The following MAF variants were observed in gnomAD, a reference collection of about 807,000 sequenced individuals.
The protein encoded by MAF is transcription factor Maf.
MAF carries 10 observed loss-of-function variants against 22.0 expected under a neutral mutation model. That is an observed-to-expected ratio of 0.45 (90% CI 0.28 to 0.77). The LOEUF is 0.77. MAF is among the 30% of genes least tolerant of loss of function. The pLI, the probability that MAF is intolerant of heterozygous loss-of-function variation, is 0.12. For synonymous variants in MAF, 337 were observed against 255.8 expected (o/e 1.32, Z -3.03); for missense variants, 544 against 548.4 (o/e 0.99, Z 0.08).
chr16:79,418,863 C>G, the MAF span, among the ~76,000 whole-genome samples: 1 of 152,146 alleles, frequency 6.6e-6, no homozygotes, highest in African/African-American at 2.4e-5. Context: ...GGCCCCAACA[C>G]AGGGCCCCAC....
At chr16:79,577,252 A>T in the MAF span, among the ~76,000 whole-genome samples, 2 of 152,132 alleles carry the variant, frequency 1.3e-5, no homozygotes, top group African/African-American at 4.8e-5. Flanking sequence ...AACCCTACTG[A>T]GAAAAAGATG....
chr16:79,212,883 T>G, the MAF span: 1 of 150,752 alleles, frequency 6.6e-6, no homozygotes, highest in Admixed American at 6.6e-5. Flanking sequence ...CTCACGCGAT[T>G]AGCATGCCAG....
At chr16:79,527,550 C>G in the MAF span, among the ~76,000 whole-genome samples, 1 of 152,190 alleles carries the variant, frequency 6.6e-6, no homozygotes, top group African/African-American at 2.4e-5. Flanking sequence ...TGGGGGCCTT[C>G]CATTCCACCA....
the MAF span, among the ~76,000 whole-genome samples, chr16:79,317,264 C>T: frequency 1.3e-5 from 2 of 148,596 alleles, no homozygotes; most frequent in African/African-American, 2.5e-5. Context: ...TTCTTTCCTT[C>T]CTTCCCTCCC....
chr16:79,260,716 T>C, the MAF span, among the ~76,000 whole-genome samples: 1 of 152,190 alleles, frequency 6.6e-6, no homozygotes, highest in African/African-American at 2.4e-5. Context: ...TTAGGTGTTA[T>C]GTGAATAAAT....
chr16:79,246,540 T>TTGGG, the MAF span, among the ~76,000 whole-genome samples: 21 of 101,442 alleles, frequency 2.1e-4, no homozygotes, highest in African/African-American at 7.4e-4. Flanking sequence ...AGGTTTTTTT[T>TTGGG]GGGGGGGGTG....
At chr16:79,417,031 G>T in the MAF span, among the ~76,000 whole-genome samples, 3 of 152,202 alleles carry the variant, frequency 2.0e-5, no homozygotes, top group Non-Finnish European at 4.4e-5. Context: ...CACAATGCCA[G>T]AATTCCCAAG....
the MAF span, among the ~76,000 whole-genome samples, chr16:79,379,389 A>T: frequency 6.6e-6 from 1 of 152,104 alleles, no homozygotes; most frequent in Non-Finnish European, 1.5e-5. Flanking sequence ...TTGTTGTTGC[A>T]TGTATGCATG....
the MAF span, among the ~76,000 whole-genome samples, chr16:79,232,989 C>T: frequency 2.6e-5 from 4 of 151,654 alleles, no homozygotes; most frequent in Admixed American, 6.6e-5. Flanking sequence ...TACGGGCGCC[C>T]GCCTCCATGC....
chr16:79,566,056 T>C, the MAF span, among the ~76,000 whole-genome samples: 1 of 152,210 alleles, frequency 6.6e-6, no homozygotes, highest in Admixed American at 6.5e-5. Context: ...TCTAGGTTTG[T>C]GTATTAAAAA....
At chr16:79,397,610 C>G in the MAF span, among the ~76,000 whole-genome samples, 2 of 152,142 alleles carry the variant, frequency 1.3e-5, no homozygotes, top group African/African-American at 4.8e-5. Context: ...CGGCTGGTTG[C>G]ATAGATGATG....
chr16:79,529,544 A>C, the MAF span, among the ~76,000 whole-genome samples: 1 of 152,218 alleles, frequency 6.6e-6, no homozygotes, highest in Admixed American at 6.5e-5. Context: ...AATCTTAATA[A>C]TATCTCAGAG....
chr16:79,263,629 G>C, the MAF span, among the ~76,000 whole-genome samples: 2 of 152,164 alleles, frequency 1.3e-5, no homozygotes, highest in African/African-American at 4.8e-5. Context: ...AAGTGTCTTT[G>C]CTAATTTTGA....
the MAF span, among the ~76,000 whole-genome samples, chr16:79,513,437 G>A: frequency 9.2e-5 from 14 of 152,318 alleles, no homozygotes; most frequent in East Asian, 2.5e-3. Context: ...GATAATAGAC[G>A]TGCTAACTTC....
the MAF span, among the ~76,000 whole-genome samples, chr16:79,231,200 A>G: frequency 2.6e-5 from 4 of 151,996 alleles, no homozygotes; most frequent in African/African-American, 9.7e-5. Flanking sequence ...CTCTTTGCCA[A>G]TGGGCTCTTA....
chr16:79,553,048 T>G, the MAF span, among the ~76,000 whole-genome samples: 37 of 152,232 alleles, frequency 2.4e-4, no homozygotes, highest in Admixed American at 2.4e-3. Flanking sequence ...GTGTGATCTT[T>G]GAACCTTAAT....
the MAF span, among the ~76,000 whole-genome samples, chr16:79,541,206 G>A: frequency 6.6e-6 from 1 of 152,046 alleles, no homozygotes; most frequent in Non-Finnish European, 1.5e-5. Flanking sequence ...CTTCTTCAAC[G>A]ACTGCTATCG....
At chr16:79,577,160 G>A in the MAF span, among the ~76,000 whole-genome samples, 12 of 152,098 alleles carry the variant, frequency 7.9e-5, no homozygotes, top group South Asian at 2.1e-3. Flanking sequence ...AGCCGGAGGG[G>A]TCTTGGATCA....
the MAF span, among the ~76,000 whole-genome samples, chr16:79,253,240 A>AT: frequency 6.6e-6 from 1 of 152,164 alleles, no homozygotes; most frequent in Admixed American, 6.5e-5. Context: ...TAGAATCAGC[A>AT]TGGATCAGAC....
Sources: gnomAD v4.1 joint callset for allele counts (sites outside exome capture counted in the v4.1 genomes callset) on GRCh38, gnomAD v4.1.1 for gene constraint, MANE v1.5 for transcripts, NCBI Gene and HGNC (gene_info 2026-07-23, HGNC 2026-07-21) for gene names.